Variants in EVA1C observed in about 807,000 individuals in gnomAD.
EVA1C encodes eva-1 homolog C, also known as protein eva-1 homolog C.
In EVA1C, 25 loss-of-function variants were observed where a neutral mutation model predicts 45.4. The observed-to-expected ratio is 0.55, with a 90% CI of 0.40 to 0.77. EVA1C has a LOEUF of 0.77. Among genes scored for constraint, EVA1C ranks in the 30% least tolerant of loss-of-function variants. The probability of loss-of-function intolerance (pLI) is 0.00; values close to 1 mark genes in which losing one functional copy is unlikely to be tolerated. For synonymous variants in EVA1C, 190 were observed against 221.2 expected (o/e 0.86, Z 1.25); for missense variants, 479 against 554.8 (o/e 0.86, Z 1.37).
intron 1 of EVA1C, among the ~76,000 whole-genome samples, chr21:32,420,957 T>C (rs2034245957): frequency 6.6e-6 from 1 of 152,234 alleles, no homozygotes; most frequent in African/African-American, 2.4e-5. Context: ...CTTCATTTCC[T>C]AGAGCCAAAT....
intron 4 of EVA1C, among the ~76,000 whole-genome samples, chr21:32,478,737 G>A (rs1273881982): frequency 1.3e-5 from 2 of 152,254 alleles, no homozygotes; most frequent in Non-Finnish European, 2.9e-5. Flanking sequence ...AGGCCGCCAG[G>A]CTTCAGAATG....
At chr21:32,434,257 C>T (rs141487922) in intron 1 of EVA1C, among the ~76,000 whole-genome samples, 2,045 of 151,738 alleles carry the variant, frequency 0.013, 37 homozygotes, top group African/African-American at 0.047. Context: ...GATCGCACCA[C>T]TGCACTCCAG....
In EVA1C at chr21:32,493,171, C is replaced by T. The variant is rs139623411; in HGVS notation, c.635-1856C>T. Among the ~76,000 whole-genome samples, 14 of 152,278 alleles carry T rather than the reference C, an allele frequency of 9.2e-5. No individual in the cohort carries two copies. The East Asian group carries it at 2.7e-3, about 29-fold the overall frequency. ...TATATTATAAGTGAATGGAACTTTGCAAAGTCTCTAAAATTCTCTCCTCTT... is the reference window on the plus strand; with the variant it reads ...TATATTATAAGTGAATGGAACTTTGTAAAGTCTCTAAAATTCTCTCCTCTT... On this transcript the variant is annotated intron_variant, in intron 4 of 7. Transcript: ENST00000300255.
intron 4 of EVA1C, among the ~76,000 whole-genome samples, chr21:32,487,739 G>A (rs1403744649): frequency 6.6e-6 from 1 of 150,928 alleles, no homozygotes; most frequent in Non-Finnish European, 1.5e-5. Flanking sequence ...AAAAAAGAGA[G>A]AGTAGAACCC....
intron 6 of EVA1C, among the ~76,000 whole-genome samples, chr21:32,503,346 G>A (rs2146442255): frequency 6.6e-6 from 1 of 152,290 alleles, no homozygotes; most frequent in East Asian, 1.9e-4. Context: ...AGGAGTTCGA[G>A]ACCAACCTGG....
At chr21:32,487,467 C>T (rs964782918) in intron 4 of EVA1C, among the ~76,000 whole-genome samples, 1 of 152,188 alleles carries the variant, frequency 6.6e-6, no homozygotes, top group African/African-American at 2.4e-5. Context: ...CGACTCACAT[C>T]CCTGTATTTT....
intron 7 of EVA1C, among the ~76,000 whole-genome samples, chr21:32,513,065 T>C (rs951000057): frequency 7.3e-5 from 11 of 150,504 alleles, no homozygotes; most frequent in Non-Finnish European, 1.2e-4. Flanking sequence ...TACAATAATA[T>C]AGTTGTTATT....
intron 1 of EVA1C, among the ~76,000 whole-genome samples, chr21:32,414,220 G>A (rs74618543): frequency 0.01 from 1,572 of 152,266 alleles, 24 homozygotes; most frequent in African/African-American, 0.036. Context: ...GCCACCCACG[G>A]CCCTTAAAAT....
chr21:32,449,824 T>A (rs2035512661), intron 1 of EVA1C, among the ~76,000 whole-genome samples: 1 of 152,068 alleles, frequency 6.6e-6, no homozygotes, highest in African/African-American at 2.4e-5. Context: ...AATTTCACCA[T>A]GTTGGCCAGG....
chr21:32,426,487 C>G (rs570413480), intron 1 of EVA1C, among the ~76,000 whole-genome samples: 3 of 152,010 alleles, frequency 2.0e-5, no homozygotes, highest in South Asian at 4.2e-4. Flanking sequence ...TGTTCCTGCT[C>G]TCATTCCCCC....
intron 1 of EVA1C, among the ~76,000 whole-genome samples, chr21:32,447,129 G>A (rs2035392581): frequency 6.6e-6 from 1 of 152,230 alleles, no homozygotes; most frequent in Non-Finnish European, 1.5e-5. Flanking sequence ...GCCTGGCGCA[G>A]TGGCTCACAC....
intron 1 of EVA1C, among the ~76,000 whole-genome samples, chr21:32,441,771 A>T (rs949075834): frequency 2.0e-5 from 3 of 152,330 alleles, no homozygotes; most frequent in African/African-American, 7.2e-5. Context: ...AGGGAAAAGA[A>T]GTAAGAAAAA....
At position 32,483,238 on chromosome 21, in the gene EVA1C, A is replaced by G. The variant is rs142991374; in HGVS notation, c.635-11789A>G. Among the ~76,000 whole-genome samples, 156 of 152,086 alleles carry G rather than the reference A, an allele frequency of 1.0e-3. 1 individual carries two copies. The highest frequency in any genetic ancestry group is 3.0e-3 in the African/African-American group (124 of 41,494). ...CCTCATCCCATTCCCACCTTTGCAA[A>G]TGGTCTATTTATTAAGCCCTGATTT... On this transcript the variant is annotated intron_variant, in intron 4 of 7. Coordinates refer to ENST00000300255, the MANE Select transcript of EVA1C (RefSeq NM_058187.5).
At chr21:32,496,046 A>C (rs1452777042) in intron 5 of EVA1C, among the ~76,000 whole-genome samples, 2 of 152,216 alleles carry the variant, frequency 1.3e-5, no homozygotes, top group Non-Finnish European at 2.9e-5. Context: ...AGTGGTTTTT[A>C]GTATATGCAC....
At chr21:32,420,763 C>A (rs961868023) in intron 1 of EVA1C, among the ~76,000 whole-genome samples, 5 of 152,202 alleles carry the variant, frequency 3.3e-5, no homozygotes, top group African/African-American at 1.2e-4. Context: ...CATGTTAACT[C>A]ATTTAATCCT....
chr21:32,454,875 G>A (rs1186338930), intron 2 of EVA1C, among the ~76,000 whole-genome samples: 1 of 152,112 alleles, frequency 6.6e-6, no homozygotes, highest in Non-Finnish European at 1.5e-5. Flanking sequence ...TAGTATCTGG[G>A]TATTTAGGTG....
chr21:32,510,351 G>A (rs1352592684), intron 7 of EVA1C, among the ~76,000 whole-genome samples: 2 of 151,934 alleles, frequency 1.3e-5, no homozygotes, highest in Non-Finnish European at 2.9e-5. Context: ...CACCACTCCC[G>A]GCCGATTTCC....
chr21:32,501,699 AAAATC>A (rs1449877569), intron 6 of EVA1C, among the ~76,000 whole-genome samples: 1 of 152,184 alleles, frequency 6.6e-6, no homozygotes, highest in Non-Finnish European at 1.5e-5. Flanking sequence ...TGACTTTTTT[AAAATC>A]AGAAGTAGGA....
chr21:32,475,919 C>A (rs6517099), intron 4 of EVA1C, among the ~76,000 whole-genome samples: 56,808 of 148,648 alleles, frequency 0.38, 11,180 homozygotes, highest in East Asian at 0.53. Flanking sequence ...ATCTATCTAT[C>A]TATCTATCTA....
Sources: allele counts gnomAD v4.1 joint callset (sites outside exome capture counted in the v4.1 genomes callset), GRCh38; gene constraint gnomAD v4.1.1; transcripts MANE v1.5; gene names NCBI Gene and HGNC (gene_info 2026-07-23, HGNC 2026-07-21).